Variants in FAM81A observed in about 807,000 individuals in gnomAD.
FAM81A encodes family with sequence similarity 81 member A, also known as protein FAM81A.
A neutral mutation model predicts 46.7 loss-of-function variants in FAM81A; 19 were observed. The observed-to-expected ratio is 0.41, with a 90% CI of 0.28 to 0.60. The LOEUF (loss-of-function observed/expected upper bound fraction) is 0.60, where lower values mean the gene tolerates loss of function less well. Among genes scored for constraint, FAM81A ranks in the 20% least tolerant of loss-of-function variants. FAM81A has a pLI of 0.34. For missense variants in FAM81A, 377 were observed against 453.5 expected (o/e 0.83, Z 1.53); for synonymous variants, 183 against 152.9 (o/e 1.20, Z -1.45).
chr15:59,419,557 G>C lies in FAM81A; in HGVS notation c.-78+17199G>C, dbSNP rs145503856. 9.7e-4 allele frequency among the ~76,000 whole-genome samples: 146 copies of C among 151,256 alleles called. 1 individual carries two copies. The highest frequency in any genetic ancestry group is 3.5e-3 in the African/African-American group (145 of 41,442). Reference sequence around the variant, plus strand: ...ACCCTCTCTTTCATTTCTTCCCAATGGTTTCCTGTGTTTGAATTCTATTAA... The same window carrying C: ...ACCCTCTCTTTCATTTCTTCCCAATCGTTTCCTGTGTTTGAATTCTATTAA... On this transcript the variant is annotated intron_variant, in intron 2 of 4. Coordinates refer to the FAM81A transcript ENST00000558348.
At chr15:59,423,192 A>G (rs928192720) in intron 2 of FAM81A, among the ~76,000 whole-genome samples, 5 of 151,744 alleles carry the variant, frequency 3.3e-5, no homozygotes, top group Non-Finnish European at 5.9e-5. Context: ...CCGCCTCCCA[A>G]GTTCACGCCA....
chr15:59,458,664 A>G lies in FAM81A; in HGVS notation c.20+18A>G, dbSNP rs756851269. ...CATCTAAGGTATACTTTTCCTTTCC[A>G]CTCATCCCATGGGGGCTGCTAGTGG... is the stretch of plus-strand genomic sequence containing the variant. On this transcript the variant is annotated intron_variant, in intron 2 of 8. Transcript: ENST00000288228. The G allele has an allele frequency of 6.2e-7, 1 of 1,608,072 alleles. No individual in the cohort carries two copies. Among genetic ancestry groups the G allele is most frequent in the South Asian group, 1.1e-5 (1 of 90,960 alleles).
At chr15:59,449,609 G>C (rs1352161518) in intron 1 of FAM81A, among the ~76,000 whole-genome samples, 1 of 151,750 alleles carries the variant, frequency 6.6e-6, no homozygotes. Flanking sequence ...GTGAAACCCC[G>C]TCTCTACTAA....
chr15:59,450,239 T>A (rs1278474118), intron 1 of FAM81A, among the ~76,000 whole-genome samples: 1 of 152,038 alleles, frequency 6.6e-6, no homozygotes, highest in East Asian at 1.9e-4. Flanking sequence ...TGCTAATTCA[T>A]TTATTTTCAA....
intron 8 of FAM81A, among the ~76,000 whole-genome samples, chr15:59,520,667 A>T (rs1282672921): frequency 6.6e-6 from 1 of 151,644 alleles, no homozygotes; most frequent in African/African-American, 2.4e-5. Context: ...GGGTTCAAGC[A>T]ATTCTCCCTG....
intron 8 of FAM81A, among the ~76,000 whole-genome samples, chr15:59,518,177 C>T (rs1199758057): frequency 6.6e-6 from 1 of 150,432 alleles, no homozygotes; most frequent in African/African-American, 2.5e-5. Context: ...AAGGTTTCAC[C>T]ATGTTGGCCA....
intron 4 of FAM81A, among the ~76,000 whole-genome samples, chr15:59,495,678 A>T (rs1284673843): frequency 6.6e-6 from 1 of 152,112 alleles, no homozygotes; most frequent in Non-Finnish European, 1.5e-5. Context: ...CCTCACTAAC[A>T]GTTGTTTTCT....
At chr15:59,467,046 G>C (rs1252307525) in intron 3 of FAM81A, among the ~76,000 whole-genome samples, 1 of 151,942 alleles carries the variant, frequency 6.6e-6, no homozygotes, top group East Asian at 1.9e-4. Context: ...TGAGGCCTCT[G>C]TTCTGTTCCA....
intron 1 of FAM81A, among the ~76,000 whole-genome samples, chr15:59,442,940 T>C (rs1215860416): frequency 6.6e-6 from 1 of 152,228 alleles, no homozygotes; most frequent in Non-Finnish European, 1.5e-5. Context: ...TATTTCCTTT[T>C]AAAAAGGACA....
At chr15:59,506,534 A>C (rs2082151148) in intron 4 of FAM81A, among the ~76,000 whole-genome samples, 1 of 152,226 alleles carries the variant, frequency 6.6e-6, no homozygotes, top group Non-Finnish European at 1.5e-5. Context: ...GTAGCAAGCC[A>C]GCAGCTTCTT....
At chr15:59,426,504 T>TC (rs1380429437) in intron 2 of FAM81A, among the ~76,000 whole-genome samples, 1 of 152,112 alleles carries the variant, frequency 6.6e-6, no homozygotes, top group Non-Finnish European at 1.5e-5. Context: ...TCCCAGCTAC[T>TC]GGGAGGCTGA....
chr15:59,404,167 C>A (rs1190702531), intron 2 of FAM81A, among the ~76,000 whole-genome samples: 1 of 152,128 alleles, frequency 6.6e-6, no homozygotes, highest in African/African-American at 2.4e-5. Flanking sequence ...CAGGCCTGAA[C>A]CACCATGCCC....
chr15:59,416,724 T>C (rs2081148323), intron 2 of FAM81A, among the ~76,000 whole-genome samples: 1 of 152,214 alleles, frequency 6.6e-6, no homozygotes, highest in South Asian at 2.1e-4. Context: ...ACTGTGCCTC[T>C]ATTCAGCCCT....
chr15:59,481,778 A>G (rs953749449), intron 3 of FAM81A, among the ~76,000 whole-genome samples: 9 of 151,832 alleles, frequency 5.9e-5, no homozygotes, highest in Admixed American at 2.6e-4. Context: ...TTATGAATAT[A>G]TATTTTTTGG....
chr15:59,452,098 T>A (rs760900890), intron 1 of FAM81A, among the ~76,000 whole-genome samples: 45 of 152,216 alleles, frequency 3.0e-4, no homozygotes, highest in Admixed American at 2.3e-3. Flanking sequence ...TTTTTGTGGA[T>A]CAGCTGTTCC....
At chr15:59,509,659 G>A (rs1225484765) in intron 6 of FAM81A, among the ~76,000 whole-genome samples, 1 of 152,188 alleles carries the variant, frequency 6.6e-6, no homozygotes, top group Non-Finnish European at 1.5e-5. Flanking sequence ...CCACTAGAAT[G>A]AGTGAGAGGC....
At chr15:59,515,527 A>G (rs2082257755) in intron 7 of FAM81A, among the ~76,000 whole-genome samples, 1 of 152,186 alleles carries the variant, frequency 6.6e-6, no homozygotes, top group Admixed American at 6.5e-5. Flanking sequence ...ACCCACTTAC[A>G]GCTTGGAGTT....
chr15:59,421,749 A>ATCTT, intron 2 of FAM81A, among the ~76,000 whole-genome samples: 1 of 147,752 alleles, frequency 6.8e-6, no homozygotes, highest in Non-Finnish European at 1.5e-5. Context: ...CTATCTGTCT[A>ATCTT]TCTATCTATC....
intron 2 of FAM81A, among the ~76,000 whole-genome samples, chr15:59,411,542 G>C (rs2081120623): frequency 6.6e-6 from 1 of 152,156 alleles, no homozygotes; most frequent in African/African-American, 2.4e-5. Flanking sequence ...TCAGAGCAGG[G>C]AAAAGACAAA....
Sources: allele counts gnomAD v4.1 joint callset (sites outside exome capture counted in the v4.1 genomes callset), GRCh38; gene constraint gnomAD v4.1.1; transcripts MANE v1.5; gene names NCBI Gene and HGNC (gene_info 2026-07-23, HGNC 2026-07-21).